The following DNER variants were observed in gnomAD, a reference collection of about 807,000 sequenced individuals.
The protein encoded by DNER is delta and Notch-like epidermal growth factor-related receptor.
Under a neutral mutation model 78.2 loss-of-function variants are expected in DNER, and 33 were observed. The ratio of observed to expected loss-of-function variants is 0.42; its 90% confidence interval spans 0.32 to 0.56. DNER has a LOEUF of 0.56. DNER is among the 20% of genes least tolerant of loss of function. The probability of loss-of-function intolerance (pLI) is 0.11; values close to 1 mark genes in which losing one functional copy is unlikely to be tolerated. For missense variants in DNER, 918 were observed against 975.3 expected (o/e 0.94, Z 0.78); for synonymous variants, 417 against 384.8 (o/e 1.08, Z -0.98).
rs534337990 is a variant in DNER at position 229,668,186 on chromosome 2, T to C, written c.276+45962A>G. 7.2e-5 allele frequency among the ~76,000 whole-genome samples: 11 copies of C among 152,110 alleles called. No homozygotes were observed. The South Asian group carries it at 2.3e-3, about 32-fold the overall frequency. On this transcript the variant is annotated intron_variant, in intron 1 of 12. Coordinates refer to ENST00000341772, the MANE Select transcript of DNER (RefSeq NM_139072.4). Reference sequence around the variant, plus strand: ...ACCAGTAGGATTCACCTAGGGGAGATGTTACCATTTCAACTGTCTCAACCT... The same window carrying C: ...ACCAGTAGGATTCACCTAGGGGAGACGTTACCATTTCAACTGTCTCAACCT...
In DNER at chr2:229,714,207, C is replaced by CA; in HGVS notation, c.216_217insT (p.Ala73CysfsTer53). 1 of 1,382,362 alleles carries CA rather than the reference C, an allele frequency of 7.2e-7. No individual in the cohort carries two copies. Among genetic ancestry groups the CA allele is most frequent in the Non-Finnish European group, 9.3e-7 (1 of 1,071,468 alleles). 85.6% of individuals were successfully genotyped at this position (1,382,362 alleles called of 1,614,324 possible). On this transcript the variant is annotated frameshift_variant, in exon 1 of 13. Coordinates refer to ENST00000341772, the MANE Select transcript of DNER (RefSeq NM_139072.4). LOFTEE classifies it high-confidence loss of function. The stretch of plus-strand genomic sequence containing the variant: ...GTGCAGCTGTAGCCAGGCTCGCCGG[C>CA]GGGGGCCGGGTGCTGCGGGTCCGGC...
rs1312051914 is a variant in DNER, at chr2:229,694,947, C to T, written c.276+19201G>A. ...TGATATGGTTTGGCTGGGCCCCCAC[C>T]CAAATCTCATCTTGCATTGTAGTTC... On this transcript the variant is annotated intron_variant, in intron 1 of 12. Transcript: ENST00000341772. Among the ~76,000 whole-genome samples, 5 of 152,248 alleles carry T rather than the reference C, an allele frequency of 3.3e-5. No homozygotes were observed. The South Asian group carries it at 6.2e-4, about 19-fold the overall frequency.
chr2:229,551,252 A>C (rs1696729916), intron 4 of DNER, among the ~76,000 whole-genome samples: 1 of 152,260 alleles, frequency 6.6e-6, no homozygotes. Flanking sequence ...AGATATAAAA[A>C]TGATATCACA....
chr2:229,573,207 C>T (rs1304214135), intron 4 of DNER, among the ~76,000 whole-genome samples: 1 of 152,214 alleles, frequency 6.6e-6, no homozygotes, highest in Admixed American at 6.5e-5. Flanking sequence ...GTAGGTCAAA[C>T]TCACAATTAC....
intron 1 of DNER, among the ~76,000 whole-genome samples, chr2:229,634,524 G>C (rs903757296): frequency 6.6e-6 from 1 of 152,108 alleles, no homozygotes; most frequent in Admixed American, 6.5e-5. Context: ...ACTCAAAAAA[G>C]AGAAAAACAA....
intron 5 of DNER, among the ~76,000 whole-genome samples, chr2:229,527,454 C>A (rs899832038): frequency 6.6e-6 from 1 of 152,136 alleles, no homozygotes; most frequent in African/African-American, 2.4e-5. Context: ...ATAGATAACA[C>A]CTTAATGTGT....
chr2:229,369,440 T>G (rs181131477), intron 11 of DNER, among the ~76,000 whole-genome samples: 1 of 151,808 alleles, frequency 6.6e-6, no homozygotes, highest in East Asian at 1.9e-4. Flanking sequence ...AAGTTTCAAC[T>G]TTCTAAAAAG....
chr2:229,409,551 A>C (rs1480609633), intron 9 of DNER, among the ~76,000 whole-genome samples: 1 of 152,250 alleles, frequency 6.6e-6, no homozygotes, highest in Non-Finnish European at 1.5e-5. Context: ...TAAAGTCTTC[A>C]ACAAAATAAG....
At chr2:229,452,711 C>A (rs1169700969) in intron 7 of DNER, among the ~76,000 whole-genome samples, 2 of 152,196 alleles carry the variant, frequency 1.3e-5, no homozygotes, top group Admixed American at 1.3e-4. Flanking sequence ...TCACTGCAAC[C>A]TCCGCCTCCT....
rs759261127 is a variant in DNER, at chr2:229,536,713, T to A, written c.993+10234A>T. On this transcript the variant is annotated intron_variant, in intron 5 of 12. Transcript: ENST00000341772. ...ATTTCTATATGTTAAACATTATGGA[T>A]TAAAATCTAAGAACAATAGTTATGT... is the stretch of plus-strand genomic sequence containing the variant. Among the ~76,000 whole-genome samples the A allele has an allele frequency of 1.8e-4, 27 of 152,288 alleles. 1 individual carries two copies. In the Middle Eastern group the frequency reaches 0.02, roughly 115 times the overall value.
intron 1 of DNER, among the ~76,000 whole-genome samples, chr2:229,592,840 C>A (rs896563653): frequency 1.3e-5 from 2 of 152,180 alleles, no homozygotes; most frequent in Admixed American, 6.5e-5. Context: ...GGGCTGACTA[C>A]AAAACAGAAT....
intron 2 of DNER, among the ~76,000 whole-genome samples, chr2:229,590,949 G>C (rs1048668095): frequency 2.0e-5 from 3 of 152,134 alleles, no homozygotes; most frequent in Non-Finnish European, 4.4e-5. Context: ...ATTGTTTTCT[G>C]GGACCTCTCC....
intron 1 of DNER, among the ~76,000 whole-genome samples, chr2:229,665,078 A>G (rs1699066032): frequency 6.6e-6 from 1 of 152,236 alleles, no homozygotes; most frequent in Admixed American, 6.5e-5. Context: ...ACTGAGCAAT[A>G]TAAACTTCAT....
chr2:229,442,796 A>T (rs1411796472), intron 8 of DNER, among the ~76,000 whole-genome samples: 1 of 152,208 alleles, frequency 6.6e-6, no homozygotes, highest in Admixed American at 6.5e-5. Context: ...AGCAGTGTCA[A>T]CTGTGTCTTT....
intron 1 of DNER, among the ~76,000 whole-genome samples, chr2:229,655,635 C>T (rs942360207): frequency 6.6e-5 from 10 of 152,120 alleles, no homozygotes; most frequent in African/African-American, 1.7e-4. Context: ...GTAGACTGAA[C>T]GGTGACCACC....
chr2:229,533,510 G>A (rs551810643), intron 5 of DNER, among the ~76,000 whole-genome samples: 5 of 152,186 alleles, frequency 3.3e-5, no homozygotes, highest in South Asian at 2.1e-4. Flanking sequence ...TCCTTGATGC[G>A]GCAGTAAAAA....
intron 1 of DNER, among the ~76,000 whole-genome samples, chr2:229,684,505 G>A (rs565331355): frequency 6.6e-6 from 1 of 152,044 alleles, no homozygotes; most frequent in African/African-American, 2.4e-5. Context: ...CTCTGGAGAT[G>A]TCTCTGCTGA....
chr2:229,647,942 T>C (rs997440560), intron 1 of DNER, among the ~76,000 whole-genome samples: 3 of 152,250 alleles, frequency 2.0e-5, no homozygotes, highest in Non-Finnish European at 4.4e-5. Flanking sequence ...ACTTTCTTTT[T>C]ATTTCTCTAA....
intron 7 of DNER, among the ~76,000 whole-genome samples, chr2:229,453,388 T>G (rs1023006992): frequency 1.2e-4 from 18 of 152,350 alleles, no homozygotes; most frequent in Non-Finnish European, 2.5e-4. Flanking sequence ...TGAGTTGAGA[T>G]GCTTTTGCAG....
Sources: allele counts gnomAD v4.1 joint callset (sites outside exome capture counted in the v4.1 genomes callset), GRCh38; gene constraint gnomAD v4.1.1; transcripts MANE v1.5; gene names NCBI Gene and HGNC (gene_info 2026-07-23, HGNC 2026-07-21).